Variants in SLC6A11 observed in about 807,000 individuals in gnomAD.
SLC6A11 encodes sodium- and chloride-dependent GABA transporter 3.
A neutral mutation model predicts 74.8 loss-of-function variants in SLC6A11; 25 were observed. That is an observed-to-expected ratio of 0.33 (90% CI 0.24 to 0.47). The LOEUF (loss-of-function observed/expected upper bound fraction) is 0.47. Ranked by LOEUF, SLC6A11 falls within the 20% of genes least tolerant of loss-of-function variation. The pLI is 1.00. For missense variants in SLC6A11, 574 were observed against 837.0 expected (o/e 0.69, Z 3.88); for synonymous variants, 330 against 330.2 (o/e 1.00, Z 0.01).
At chr3:10,897,026 G>A (rs1220042652) in intron 6 of SLC6A11, among the ~76,000 whole-genome samples, 4 of 152,186 alleles carry the variant, frequency 2.6e-5, no homozygotes, top group Admixed American at 2.6e-4. Context: ...CATGGTGGTG[G>A]CAAGAGAGAA....
At chr3:10,853,926 G>C (rs2106591013) in intron 5 of SLC6A11, among the ~76,000 whole-genome samples, 1 of 152,256 alleles carries the variant, frequency 6.6e-6, no homozygotes, top group South Asian at 2.1e-4. Flanking sequence ...CCACCCTACT[G>C]TGCACCCTGC....
chr3:10,924,724 A>G (rs1346005959), intron 8 of SLC6A11, among the ~76,000 whole-genome samples: 1 of 152,256 alleles, frequency 6.6e-6, no homozygotes, highest in Non-Finnish European at 1.5e-5. Flanking sequence ...TGAATAGACA[A>G]TAAACATGTG....
At chr3:10,873,247 C>T (rs1054060235) in intron 5 of SLC6A11, among the ~76,000 whole-genome samples, 11 of 152,156 alleles carry the variant, frequency 7.2e-5, no homozygotes, top group Non-Finnish European at 1.6e-4. Flanking sequence ...AAAAGGGTCT[C>T]TCGGGTTCAT....
intron 5 of SLC6A11, among the ~76,000 whole-genome samples, chr3:10,871,359 C>A (rs1264654843): frequency 1.3e-5 from 2 of 152,130 alleles, no homozygotes; most frequent in East Asian, 3.9e-4. Context: ...ATTTTGCAAG[C>A]ATTGGGAATT....
intron 11 of SLC6A11, 83 bp from the exon 12 acceptor site, chr3:10,933,983 G>A: frequency 2.3e-6 from 2 of 887,544 alleles, no homozygotes; most frequent in South Asian, 1.5e-5. Context: ...GCTGGAGAAA[G>A]CAAACACTCC....
intron 6 of SLC6A11, among the ~76,000 whole-genome samples, chr3:10,900,919 G>A (rs1695232392): frequency 6.6e-6 from 1 of 152,148 alleles, no homozygotes; most frequent in Non-Finnish European, 1.5e-5. Context: ...TGCTGGCCCA[G>A]GGTCATTTAG....
chr3:10,933,368 C>T (rs1281306784), intron 11 of SLC6A11, 115 bp downstream of exon 11: 4 of 705,020 alleles, frequency 5.7e-6, no homozygotes, highest in Non-Finnish European at 1.0e-5. Flanking sequence ...CTATACTGGC[C>T]TCTTCTTACT....
At chr3:10,844,571 GAT>G (rs1481957831) in intron 5 of SLC6A11, among the ~76,000 whole-genome samples, 2 of 152,190 alleles carry the variant, frequency 1.3e-5, no homozygotes, top group Non-Finnish European at 2.9e-5. Flanking sequence ...GTGACTATGA[GAT>G]AATAAAGCCT....
In SLC6A11 at chr3:10,918,523, G is replaced by A; in HGVS notation, c.1120+70G>A. The A allele has an allele frequency of 6.6e-7, 1 of 1,526,280 alleles. No homozygotes were observed. Among genetic ancestry groups the A allele is most frequent in the Non-Finnish European group, 8.8e-7 (1 of 1,133,714 alleles). The allele number at this position is 1,526,280 out of a possible 1,614,324, so 94.5% of individuals were successfully genotyped here. On this transcript the variant is annotated intron_variant, in intron 8 of 13. Transcript: ENST00000254488. The surrounding 1 kb of genome is among the most constrained non-coding windows in gnomAD (Gnocchi z 4.5). Reference sequence around the variant, plus strand: ...CAGGAGTGATGGTCATCATGGAAATGCGATCTTCCTCCTCGGCTCACACAT... The same window carrying A: ...CAGGAGTGATGGTCATCATGGAAATACGATCTTCCTCCTCGGCTCACACAT...
At chr3:10,820,385 C>T (rs562444251) in intron 3 of SLC6A11, among the ~76,000 whole-genome samples, 2 of 152,328 alleles carry the variant, frequency 1.3e-5, no homozygotes, top group Non-Finnish European at 2.9e-5. Context: ...TCCAGCCTAT[C>T]TTAAAAACTT....
chr3:10,875,184 C>T (rs925225220), intron 6 of SLC6A11, 89 bp downstream of exon 6: 8 of 1,218,514 alleles, frequency 6.6e-6, no homozygotes, highest in South Asian at 1.9e-5. Flanking sequence ...TGAGATTCAA[C>T]AGCTGGTTGA....
rs369982031 is a variant in SLC6A11, at chr3:10,883,896, C to T, written c.891+8801C>T. On this transcript the variant is annotated intron_variant, in intron 6 of 13. Coordinates refer to ENST00000254488, the MANE Select transcript of SLC6A11 (RefSeq NM_014229.3). ...TGAGACTGAAAATCCCCCAAGGTTTCCTTTCAATGTATTTGTTCCTGAGTT... is the reference window on the plus strand; with the variant it reads ...TGAGACTGAAAATCCCCCAAGGTTTTCTTTCAATGTATTTGTTCCTGAGTT... Among the ~76,000 whole-genome samples the T allele has an allele frequency of 2.4e-3, 361 of 152,274 alleles. 1 individual carries two copies. The highest frequency in any genetic ancestry group is 0.011 in the South Asian group (51 of 4,816).
chr3:10,829,626 T>C (rs1038743951), intron 4 of SLC6A11, among the ~76,000 whole-genome samples: 1 of 152,180 alleles, frequency 6.6e-6, no homozygotes, highest in Non-Finnish European at 1.5e-5. Context: ...CTGTCAAGTG[T>C]GTGACCCTGG....
intron 6 of SLC6A11, among the ~76,000 whole-genome samples, chr3:10,881,383 T>G (rs1462794767): frequency 6.6e-6 from 1 of 152,124 alleles, no homozygotes; most frequent in Admixed American, 6.5e-5. Flanking sequence ...GCCACTACAC[T>G]CCAGCCTGAG....
chr3:10,927,441 G>C (rs551076083), intron 9 of SLC6A11, among the ~76,000 whole-genome samples: 60 of 152,158 alleles, frequency 3.9e-4, no homozygotes, highest in Non-Finnish European at 6.2e-4. Flanking sequence ...TCAGTTCATT[G>C]TCACAATAAC....
rs370566187 is a variant in SLC6A11 at position 10,863,862 on chromosome 3, G to T, written c.757-11099G>T. On this transcript the variant is annotated intron_variant, in intron 5 of 13. Transcript: ENST00000254488. ...GGCTCATAGGGGAACTCAAACTCCC[G>T]AGGGGTCCGTTCGGGGCTTCGGAGT... 3.6e-4 allele frequency among the ~76,000 whole-genome samples: 55 copies of T among 152,236 alleles called. 1 individual carries two copies. In the South Asian group the frequency reaches 0.011, roughly 32 times the overall value.
At chr3:10,935,422 C>T (rs1424373041) in intron 13 of SLC6A11, 2 of 542,216 alleles carry the variant, frequency 3.7e-6, no homozygotes, top group African/African-American at 3.8e-5. Flanking sequence ...CCTCTGTCTT[C>T]CTGTCTGTAA....
In SLC6A11 at chr3:10,826,075, G is replaced by A. The variant is rs116804386; in HGVS notation, c.623+2683G>A. On this transcript the variant is annotated intron_variant, in intron 4 of 13. Coordinates refer to ENST00000254488, the MANE Select transcript of SLC6A11 (RefSeq NM_014229.3). Reference sequence around the variant, plus strand: ...AACTGTGTGGGAATTTTGATTAAAAGTCTATTGAACTCATAGGTTAGTTTG... The same window carrying A: ...AACTGTGTGGGAATTTTGATTAAAAATCTATTGAACTCATAGGTTAGTTTG... Among the ~76,000 whole-genome samples, 298 of 152,336 alleles carry A rather than the reference G, an allele frequency of 2.0e-3. 1 individual carries two copies. Among genetic ancestry groups the A allele is most frequent in the African/African-American group, 6.9e-3 (287 of 41,584 alleles).
chr3:10,886,218 C>T (rs1464752981), intron 6 of SLC6A11, among the ~76,000 whole-genome samples: 1 of 152,156 alleles, frequency 6.6e-6, no homozygotes, highest in African/African-American at 2.4e-5. Flanking sequence ...CTGGGCTGAT[C>T]CCTGTTACTC....
Sources: gnomAD v4.1 joint callset for allele counts (sites outside exome capture counted in the v4.1 genomes callset) on GRCh38, gnomAD v4.1.1 for gene constraint, Gnocchi (gnomAD v3.1) non-coding constraint, MANE v1.5 for transcripts, NCBI Gene and HGNC (gene_info 2026-07-23, HGNC 2026-07-21) for gene names.